IL27RA: variants seen among roughly 807,000 people sequenced by gnomAD.
IL27RA encodes interleukin-27 receptor subunit alpha.
Under a neutral mutation model 80.8 loss-of-function variants are expected in IL27RA, and 61 were observed. The ratio of observed to expected loss-of-function variants is 0.76; its 90% confidence interval spans 0.61 to 0.93. IL27RA has a LOEUF of 0.93. IL27RA is among the 40% of genes least tolerant of loss of function. IL27RA has a pLI of 0.00. For missense variants in IL27RA, 735 were observed against 808.1 expected (o/e 0.91, Z 1.10); for synonymous variants, 316 against 332.5 (o/e 0.95, Z 0.54).
chr19:14,034,832 A>G (rs1975874719), intron 2 of IL27RA, among the ~76,000 whole-genome samples: 1 of 151,554 alleles, frequency 6.6e-6, no homozygotes, highest in South Asian at 2.1e-4. Context: ...TGGCGCCTGT[A>G]GTCCCAGCTA....
rs774286179 is a variant in IL27RA at position 14,051,860 on chromosome 19, G to T, written c.1623-20G>T. On this transcript the variant is annotated intron_variant, in intron 12 of 13. Transcript: ENST00000263379. ...TCTGGCCATCTGGATCTGCTGCCCT[G>T]ACTACTCCTGTCTTGCCAGGTGCTA... is the stretch of plus-strand genomic sequence containing the variant. 1 of 1,565,094 alleles carries T rather than the reference G, an allele frequency of 6.4e-7. No homozygotes were observed. The highest frequency in any genetic ancestry group is 1.2e-5 in the South Asian group (1 of 86,580).
rs747319819 is a variant in IL27RA, at chr19:14,050,776, G to C, written c.1421G>C (p.Ser474Thr). The C allele has an allele frequency of 1.9e-6, 3 of 1,613,062 alleles. No individual in the cohort carries two copies. The African/African-American group carries it at 4.0e-5, about 22-fold the overall frequency. Reference sequence around the variant, plus strand: ...TCTCCAGTGAGTGGCAACACACAGAGTGTCACCCTGCCTGACCTTCCTTGG... The same window carrying C: ...TCTCCAGTGAGTGGCAACACACAGACTGTCACCCTGCCTGACCTTCCTTGG... Reference protein sequence around the residue: ...VCMNVSGNTQSVTLPDLPWGP... With the variant: ...VCMNVSGNTQTVTLPDLPWGP... Residue 474 changes from serine (S) to threonine (T), a missense_variant, in exon 11 of 14, where the codon AGT becomes ACT. Physicochemically the swap from Ser to Thr is moderately conservative, Grantham distance 58. Transcript: ENST00000263379.
chr19:14,032,043 G>C (rs551959724), intron 1 of IL27RA, 71 bp downstream of exon 1: 48 of 1,333,050 alleles, frequency 3.6e-5, no homozygotes, highest in Non-Finnish European at 4.6e-5. Context: ...AGTGCTCCAG[G>C]ATAAGCCACG....
intron 2 of IL27RA, among the ~76,000 whole-genome samples, chr19:14,034,521 G>A (rs560080425): frequency 6.0e-4 from 91 of 152,066 alleles, no homozygotes; most frequent in African/African-American, 2.0e-3. Flanking sequence ...TTAGCCAGGC[G>A]TGGTGGCACA....
In IL27RA at chr19:14,051,600, C is replaced by T. The variant is rs372029934; in HGVS notation, c.1529-7C>T. The T allele has an allele frequency of 9.7e-6, 15 of 1,538,464 alleles. No homozygotes were observed. Among genetic ancestry groups the T allele is most frequent in the Admixed American group, 7.4e-5 (4 of 53,878 alleles). ...AATTAAGAATGATCTCTTCCCTACC[C>T]TACCAGATAACACCCTGAGGTGGAA... On this transcript the variant is annotated splice_polypyrimidine_tract_variant and splice_region_variant and intron_variant, in intron 11 of 13. Coordinates refer to ENST00000263379, the MANE Select transcript of IL27RA (RefSeq NM_004843.4).
At chr19:14,049,411 C>T (rs1976125020) in intron 10 of IL27RA, 97 bp downstream of exon 10, 2 of 1,299,080 alleles carry the variant, frequency 1.5e-6, no homozygotes, top group African/African-American at 1.5e-5. Flanking sequence ...CTCTTTGGCC[C>T]AGGGACCATA....
At chr19:14,033,335 G>A (rs1975850859) in intron 2 of IL27RA, among the ~76,000 whole-genome samples, 1 of 150,950 alleles carries the variant, frequency 6.6e-6, no homozygotes, top group South Asian at 2.1e-4. Context: ...CTGACCTCAG[G>A]TGATCCACCC....
In IL27RA at chr19:14,046,262, G is replaced by T. The variant is rs748177405; in HGVS notation, c.877G>T (p.Ala293Ser). The T allele has an allele frequency of 1.2e-6, 2 of 1,614,156 alleles. No individual in the cohort carries two copies. The highest frequency in any genetic ancestry group is 1.7e-6 in the Non-Finnish European group (2 of 1,180,030). The change falls in exon 7 of 14, where the codon GCG becomes TCG. Residue 293 changes from alanine to serine, a missense_variant. Transcript: ENST00000263379. ...CTGCTGCTCCCTAATTCCCAGTGGG[G>T]CGGAGTGGGCCAGGGTGTCCGCTGT... ...TCCCSLIPSG[A>S]EWARVSAVNA...
chr19:14,052,807 A>AGTT lies in IL27RA; in HGVS notation c.*518_*520dup, dbSNP rs1976200029. On this transcript the variant is annotated 3_prime_UTR_variant, in exon 14 of 14. Coordinates refer to ENST00000263379, the MANE Select transcript of IL27RA (RefSeq NM_004843.4). ...GGTGGGAGGATCGGTTGAGCCCAGG[A>AGTT]GTTCGAAGCTGCAGGGACCTCTGAT... 1 of 151,996 alleles carries AGTT rather than the reference A, an allele frequency of 6.6e-6. No individual in the cohort carries two copies. The highest frequency in any genetic ancestry group is 6.6e-5 in the Admixed American group (1 of 15,208). 9.4% of individuals were successfully genotyped at this position (151,996 alleles called of 1,614,324 possible).
intron 4 of IL27RA, among the ~76,000 whole-genome samples, chr19:14,042,069 C>CG (rs1975996375): frequency 6.6e-6 from 1 of 151,982 alleles, no homozygotes; most frequent in African/African-American, 2.4e-5. Context: ...CATGGTGGCG[C>CG]GTGCCTGTAA....
Position 14,046,582 on chromosome 19 carries a change from C to T in IL27RA, c.1105C>T (p.Arg369Trp), listed in dbSNP as rs1024302227. Reference protein sequence around the residue: ...GDPLEKLNWVRLPPGNLSALL... With the variant: ...GDPLEKLNWVWLPPGNLSALL... ...CCCCCTGGAGAAACTCAACTGGGTC[C>T]GGCTTCCCCCTGGGAACCTCAGTGC... The change falls in exon 8 of 14, where the codon CGG becomes TGG. Residue 369 changes from arginine to tryptophan, a missense_variant. Transcript: ENST00000263379. 16 of 1,612,138 alleles carry T rather than the reference C, an allele frequency of 9.9e-6. No homozygotes were observed. In the African/African-American group the frequency reaches 1.2e-4, roughly 12 times the overall value.
intron 2 of IL27RA, among the ~76,000 whole-genome samples, chr19:14,037,500 C>CTG (rs889697199): frequency 4.6e-5 from 7 of 152,178 alleles, no homozygotes; most frequent in Non-Finnish European, 7.4e-5. Flanking sequence ...AGTGATCCGC[C>CTG]TGCCTCGGCC....
rs566044451 is a variant in IL27RA, at chr19:14,040,374, T to A, written c.534+464T>A. Reference sequence around the variant, plus strand: ...GAGACTCAGTCTCAAAAAAAAAAAATTTTTTTTCTCCTGCCAAAATAATCT... The same window carrying A: ...GAGACTCAGTCTCAAAAAAAAAAAAATTTTTTTCTCCTGCCAAAATAATCT... On this transcript the variant is annotated intron_variant, in intron 4 of 13. Transcript: ENST00000263379. Among the ~76,000 whole-genome samples the A allele has an allele frequency of 1.7e-3, 178 of 102,260 alleles. 1 individual carries two copies. The highest frequency in any genetic ancestry group is 5.2e-3 in the African/African-American group (164 of 31,598). 67.1% of individuals were successfully genotyped at this position (102,260 alleles called of 152,430 possible). A position where few individuals can be genotyped will look rare whatever the true frequency, so the allele number is the denominator to read the frequency against.
At chr19:14,046,816 G>A (rs1395612863) in intron 8 of IL27RA, among the ~76,000 whole-genome samples, 198 bp downstream of exon 8, 1 of 151,996 alleles carries the variant, frequency 6.6e-6, no homozygotes, top group Non-Finnish European at 1.5e-5. Context: ...GGCCAACATA[G>A]TGAAACCCCG....
At chr19:14,039,442 A>G (rs1568500178) in intron 2 of IL27RA, 66 bp from the exon 3 acceptor site, 11 of 1,541,170 alleles carry the variant, frequency 7.1e-6, no homozygotes, top group Non-Finnish European at 9.7e-6. Flanking sequence ...TGTTGGCACA[A>G]GGGTGGTTAT....
At chr19:14,043,507 C>T (rs1010640177) in intron 6 of IL27RA, among the ~76,000 whole-genome samples, 6 of 151,748 alleles carry the variant, frequency 4.0e-5, no homozygotes, top group Non-Finnish European at 4.4e-5. Flanking sequence ...TCACTGCAAC[C>T]TCCACCTCCC....
chr19:14,049,799 C>T (rs1161504833), intron 10 of IL27RA, among the ~76,000 whole-genome samples: 9 of 151,834 alleles, frequency 5.9e-5, no homozygotes, highest in Non-Finnish European at 1.2e-4. Flanking sequence ...AGACTGATCT[C>T]GAACTCCTGA....
intron 2 of IL27RA, among the ~76,000 whole-genome samples, chr19:14,034,900 C>T (rs919933534): frequency 4.6e-5 from 7 of 151,690 alleles, no homozygotes; most frequent in African/African-American, 1.7e-4. Flanking sequence ...TTGCAATGAG[C>T]CGAGATCGCG....
At position 14,032,055 on chromosome 19, in the gene IL27RA, G is replaced by A. The variant is rs538105240; in HGVS notation, c.100+83G>A. ...GCCAGTGCTCCAGGATAAGCCACGC[G>A]TATGCAGAGCGAACGGTAGAGGTGC... On this transcript the variant is annotated intron_variant, in intron 1 of 13. Transcript: ENST00000263379. 11 of 1,231,986 alleles carry A rather than the reference G, an allele frequency of 8.9e-6. No individual in the cohort carries two copies. In the South Asian group the frequency reaches 1.4e-4, roughly 16 times the overall value. 76.3% of individuals were successfully genotyped at this position (1,231,986 alleles called of 1,614,324 possible). A position where few individuals can be genotyped will look rare whatever the true frequency, so the allele number is the denominator to read the frequency against.
Sources: allele counts gnomAD v4.1 joint callset (sites outside exome capture counted in the v4.1 genomes callset), GRCh38; gene constraint gnomAD v4.1.1; transcripts MANE v1.5; gene names NCBI Gene and HGNC (gene_info 2026-07-23, HGNC 2026-07-21).